The following CDK14 variants were observed in gnomAD, a reference collection of about 807,000 sequenced individuals.
CDK14 encodes cyclin-dependent kinase 14.
In CDK14, 34 loss-of-function variants were observed where a neutral mutation model predicts 60.7. The observed-to-expected ratio is 0.56, with a 90% CI of 0.43 to 0.75. The LOEUF (loss-of-function observed/expected upper bound fraction) is 0.75, where lower values mean the gene tolerates loss of function less well. Among genes scored for constraint, CDK14 ranks in the 30% least tolerant of loss-of-function variants. CDK14 has a pLI of 0.00. For synonymous variants in CDK14, 197 were observed against 203.7 expected, an observed-to-expected ratio of 0.97 and a Z score of 0.28; for missense variants, 482 against 564.1, an observed-to-expected ratio of 0.85 and a Z score of 1.47.
intron 4 of CDK14, among the ~76,000 whole-genome samples, chr7:90,755,382 A>G (rs1168971382): frequency 6.6e-6 from 1 of 152,184 alleles, no homozygotes; most frequent in Non-Finnish European, 1.5e-5. Flanking sequence ...CAAATATTGC[A>G]TGTTTTCACT....
At chr7:90,944,218 A>T (rs182057908) in intron 8 of CDK14, among the ~76,000 whole-genome samples, 1 of 152,306 alleles carries the variant, frequency 6.6e-6, no homozygotes, top group African/African-American at 2.4e-5. Flanking sequence ...TTTTTTCTTT[A>T]TAAATGACTC....
Position 90,724,399 on chromosome 7 carries a change from T to C in CDK14, c.124-2168T>C, listed in dbSNP as rs568754814. ...GCTTTTGGTTTTATTGATTTTTCTT[T>C]ATTGTTTTCTGTTTTCTATTTTATT... On this transcript the variant is annotated intron_variant, in intron 2 of 14. Transcript: ENST00000380050. Among the ~76,000 whole-genome samples the C allele has an allele frequency of 2.6e-5, 4 of 152,112 alleles. No individual in the cohort carries two copies. The East Asian group carries it at 7.7e-4, about 29-fold the overall frequency.
intron 14 of CDK14, among the ~76,000 whole-genome samples, chr7:91,202,536 A>G (rs1478738874): frequency 6.6e-6 from 1 of 152,216 alleles, no homozygotes; most frequent in African/African-American, 2.4e-5. Context: ...TGATTGTAGT[A>G]TACCCTCTCT....
chr7:90,718,365 A>G (rs1802326951), intron 2 of CDK14, among the ~76,000 whole-genome samples: 1 of 152,148 alleles, frequency 6.6e-6, no homozygotes, highest in Non-Finnish European at 1.5e-5. Flanking sequence ...AGCACAAAGA[A>G]GTGAATTTAT....
intron 10 of CDK14, among the ~76,000 whole-genome samples, chr7:91,002,954 C>A (rs933161076): frequency 7.2e-5 from 11 of 152,034 alleles, no homozygotes; most frequent in Admixed American, 3.9e-4. Context: ...TGCCTGTAGT[C>A]CCAGCTGTTT....
At chr7:90,770,176 G>T (rs1362089716) in intron 4 of CDK14, among the ~76,000 whole-genome samples, 1 of 152,216 alleles carries the variant, frequency 6.6e-6, no homozygotes, top group Non-Finnish European at 1.5e-5. Flanking sequence ...GAACACACAT[G>T]TAATTGCTTG....
intron 10 of CDK14, among the ~76,000 whole-genome samples, chr7:91,023,793 G>C (rs1422371412): frequency 1.3e-5 from 2 of 152,102 alleles, no homozygotes; most frequent in Admixed American, 6.6e-5. Flanking sequence ...TTGAGATGGA[G>C]TCTCACCTGT....
At chr7:90,605,595 T>C (rs1799401037) in intron 2 of CDK14, among the ~76,000 whole-genome samples, 1 of 152,216 alleles carries the variant, frequency 6.6e-6, no homozygotes, top group Non-Finnish European at 1.5e-5. Context: ...GGTACCATTT[T>C]TCTCTTTGTA....
chr7:90,975,442 C>T (rs1398146750), intron 9 of CDK14, among the ~76,000 whole-genome samples: 1 of 151,238 alleles, frequency 6.6e-6, no homozygotes, highest in African/African-American at 2.4e-5. Context: ...GTAATTAGCC[C>T]ATCCTTCATA....
rs1220142500 is a variant in CDK14 at position 90,895,504 on chromosome 7, TCCTCCCTTCC to T, written c.640-3750_640-3741del. The stretch of plus-strand genomic sequence containing the variant: ...ACCTCTCCTCTCCTCTCCTCTCCTC[TCCTCCCTTCC>T]CCTCCCTTCCCCTCCCTTCCCCTCC... On this transcript the variant is annotated intron_variant, in intron 6 of 14. Transcript: ENST00000380050. 3.5e-3 allele frequency among the ~76,000 whole-genome samples: 39 copies of T among 11,242 alleles called. 3 individuals are homozygous for T. The highest frequency in any genetic ancestry group is 7.1e-3 in the Non-Finnish European group (30 of 4,200). The allele number at this position is 11,242 out of a possible 152,430, so 7.4% of individuals were successfully genotyped here.
chr7:91,081,719 C>T (rs534360047), intron 12 of CDK14, among the ~76,000 whole-genome samples: 4 of 152,210 alleles, frequency 2.6e-5, no homozygotes, highest in Non-Finnish European at 4.4e-5. Flanking sequence ...AGGCAATTCC[C>T]TGCTGACTTC....
intron 2 of CDK14, among the ~76,000 whole-genome samples, chr7:90,626,940 AAAAAC>A (rs1395179696): frequency 1.3e-5 from 2 of 152,046 alleles, no homozygotes; most frequent in Admixed American, 6.5e-5. Flanking sequence ...CCCTGTCTCA[AAAAAC>A]AAAACAAAAC....
rs550472189 is a variant in CDK14, at chr7:91,144,670, G to A, written c.*28+26462G>A. Among the ~76,000 whole-genome samples the A allele has an allele frequency of 2.6e-5, 4 of 152,298 alleles. No homozygotes were observed. The East Asian group carries it at 7.7e-4, about 29-fold the overall frequency. ...AATTTTTGATAGTCTCATAGTAAAA[G>A]TAGTTTGGTGCCTTAAAATACCAAC... On this transcript the variant is annotated intron_variant, in intron 14 of 14. Coordinates refer to ENST00000380050, the MANE Select transcript of CDK14 (RefSeq NM_001287135.2).
intron 11 of CDK14, among the ~76,000 whole-genome samples, chr7:91,072,195 C>G (rs557859387): frequency 6.6e-6 from 1 of 152,160 alleles, no homozygotes; most frequent in Non-Finnish European, 1.5e-5. Context: ...GGGTCCTGCT[C>G]CCCGTGCCAC....
chr7:90,886,861 A>C (rs1791960309), intron 6 of CDK14, among the ~76,000 whole-genome samples: 1 of 152,196 alleles, frequency 6.6e-6, no homozygotes, highest in Non-Finnish European at 1.5e-5. Context: ...ATACCCATGC[A>C]CAGCAAGAGA....
chr7:90,839,467 A>G (rs1023503), intron 5 of CDK14, among the ~76,000 whole-genome samples: 109,802 of 152,092 alleles, frequency 0.72, 39,848 homozygotes, highest in East Asian at 0.89. Flanking sequence ...AAGGTTGTAT[A>G]CAGGGAAGCC....
intron 12 of CDK14, among the ~76,000 whole-genome samples, chr7:91,087,857 TCCTC>T (rs1440347004): frequency 6.6e-6 from 1 of 152,150 alleles, no homozygotes; most frequent in Non-Finnish European, 1.5e-5. Flanking sequence ...GATTTCCCCT[TCCTC>T]AACAGTTTCT....
Position 91,171,836 on chromosome 7 carries a change from C to T in CDK14, c.*29-35329C>T, listed in dbSNP as rs530490003. ...TAATTTTTGTATTTTTAGCAGAGAC[C>T]TGGTTTCACCATGTTGGTTAGGCTG... On this transcript the variant is annotated intron_variant, in intron 14 of 14. Transcript: ENST00000380050. 3.3e-5 allele frequency among the ~76,000 whole-genome samples: 5 copies of T among 152,072 alleles called. No homozygotes were observed. In the South Asian group the frequency reaches 1.0e-3, roughly 32 times the overall value.
intron 5 of CDK14, among the ~76,000 whole-genome samples, chr7:90,850,758 C>G (rs1000638529): frequency 6.6e-6 from 1 of 152,120 alleles, no homozygotes; most frequent in Non-Finnish European, 1.5e-5. Flanking sequence ...GCGGGCTCTT[C>G]TAAGTCCTGT....
Sources: allele counts gnomAD v4.1 joint callset (sites outside exome capture counted in the v4.1 genomes callset), GRCh38; gene constraint gnomAD v4.1.1; transcripts MANE v1.5; gene names NCBI Gene and HGNC (gene_info 2026-07-23, HGNC 2026-07-21).